Variants in SLC75A1 observed in about 807,000 individuals in gnomAD.
The protein encoded by SLC75A1 is solute carrier family 75 member 1, also known as major facilitator superfamily domain containing 10.
chr4:2,931,018 T>G, the SLC75A1 span: 1 of 1,611,306 alleles, frequency 6.2e-7, no homozygotes, highest in Non-Finnish European at 8.5e-7. Context: ...CGAGGGCAGG[T>G]GCTTGGCCCC....
the SLC75A1 span, chr4:2,933,005 T>G: frequency 8.3e-7 from 1 of 1,206,782 alleles, no homozygotes; most frequent in African/African-American, 1.5e-5. Flanking sequence ...CCAGTGGCCA[T>G]GAGGGGCCCA....
the SLC75A1 span, chr4:2,932,962 CG>C: frequency 9.7e-7 from 1 of 1,026,124 alleles, no homozygotes; most frequent in South Asian, 1.7e-5. Flanking sequence ...ACTGGTCCCC[CG>C]AGAACCCCCT....
At chr4:2,932,708 C>G in the SLC75A1 span, 1 of 1,602,252 alleles carries the variant, frequency 6.2e-7, no homozygotes, top group East Asian at 2.2e-5. Flanking sequence ...CCAGGAAGGC[C>G]GCAAAGCTCC....
the SLC75A1 span, chr4:2,933,545 A>C: frequency 6.2e-7 from 1 of 1,612,764 alleles, no homozygotes; most frequent in Non-Finnish European, 8.5e-7. Flanking sequence ...AGAGCCCGCC[A>C]AGGGCACAGA....
the SLC75A1 span, chr4:2,934,076 G>A: frequency 2.5e-6 from 2 of 804,820 alleles, no homozygotes; most frequent in Non-Finnish European, 1.9e-6. Context: ...GGACGCAGGG[G>A]CCGTTCTGGC....
chr4:2,932,209 G>A, the SLC75A1 span: 64 of 1,558,526 alleles, frequency 4.1e-5, no homozygotes, highest in Non-Finnish European at 4.9e-5. Flanking sequence ...GGCAACCCAC[G>A]GACTGTGGCC....
At chr4:2,932,873 C>T in the SLC75A1 span, 1 of 1,338,722 alleles carries the variant, frequency 7.5e-7, no homozygotes, top group East Asian at 2.5e-5. Flanking sequence ...TTCGAAGCAT[C>T]TGAGGGCCAC....
chr4:2,933,468 G>C, the SLC75A1 span: 18 of 1,325,268 alleles, frequency 1.4e-5, no homozygotes, highest in Admixed American at 3.2e-4. Context: ...CAGGGAGTGG[G>C]AAGGCAAGGA....
chr4:2,933,789 C>G, the SLC75A1 span: 2 of 1,593,440 alleles, frequency 1.3e-6, no homozygotes, highest in Admixed American at 3.6e-5. Context: ...GCCCGGGCAG[C>G]AGGGGCAGCA....
the SLC75A1 span, chr4:2,931,235 G>A: frequency 6.4e-7 from 1 of 1,564,372 alleles, no homozygotes; most frequent in Non-Finnish European, 8.7e-7. Context: ...ACCATAGCCA[G>A]CGACCACGGA....
chr4:2,930,673 G>A, the SLC75A1 span: 5 of 680,896 alleles, frequency 7.3e-6, no homozygotes, highest in African/African-American at 9.1e-5. Context: ...AGTCACTGAA[G>A]GAGTAAGTAA....
the SLC75A1 span, chr4:2,932,917 C>T: frequency 9.1e-7 from 1 of 1,098,866 alleles, no homozygotes; most frequent in Non-Finnish European, 1.3e-6. Context: ...GGGCCAGGAG[C>T]AGCTCCTTGA....
At chr4:2,931,864 G>T in the SLC75A1 span, 1 of 1,610,254 alleles carries the variant, frequency 6.2e-7, no homozygotes, top group Non-Finnish European at 8.5e-7. Context: ...GAAGCTCAGC[G>T]TGTACTCCAG....
the SLC75A1 span, chr4:2,933,642 G>A: frequency 6.2e-7 from 1 of 1,613,846 alleles, no homozygotes; most frequent in Non-Finnish European, 8.5e-7. Flanking sequence ...ACCCCGCCCT[G>A]CCAGGAGCCA....
At chr4:2,932,550 A>G in the SLC75A1 span, 1 of 1,612,482 alleles carries the variant, frequency 6.2e-7, no homozygotes, top group Non-Finnish European at 8.5e-7. Flanking sequence ...AGGGAGACCC[A>G]GGCCCAGAAG....
At chr4:2,932,614 G>T in the SLC75A1 span, 1 of 1,613,154 alleles carries the variant, frequency 6.2e-7, no homozygotes, top group Non-Finnish European at 8.5e-7. Flanking sequence ...CCTTGACTGC[G>T]GGCCAGAGGC....
the SLC75A1 span, chr4:2,933,218 C>G: frequency 1.2e-5 from 20 of 1,612,412 alleles, no homozygotes; most frequent in Non-Finnish European, 1.6e-5. Flanking sequence ...ACCTGAGAGA[C>G]AGATGTCACC....
the SLC75A1 span, chr4:2,930,988 G>A: frequency 6.2e-7 from 1 of 1,612,530 alleles, no homozygotes; most frequent in East Asian, 2.2e-5. Flanking sequence ...CAGTCCCCGA[G>A]GGGGCTGGCA....
chr4:2,931,584 G>C, the SLC75A1 span: 15 of 1,613,132 alleles, frequency 9.3e-6, no homozygotes, highest in Non-Finnish European at 1.3e-5. Context: ...TCCCCGCCAG[G>C]GTGGATCCGC....
Sources: allele counts gnomAD v4.1 joint callset, GRCh38; gene constraint gnomAD v4.1.1; transcripts MANE v1.5; gene names NCBI Gene and HGNC (gene_info 2026-07-23, HGNC 2026-07-21).